Variants in ABRACL observed in about 807,000 individuals in gnomAD.
ABRACL encodes the protein ABRA C-terminal like.
ABRACL carries 4 observed loss-of-function variants against 7.0 expected under a neutral mutation model. That is an observed-to-expected ratio of 0.57 (90% CI 0.28 to 1.30). The LOEUF (loss-of-function observed/expected upper bound fraction) is 1.30. ABRACL is among the 50% of genes most tolerant of loss of function. The pLI is 0.10. For missense variants in ABRACL, 104 were observed against 97.3 expected (o/e 1.07, Z -0.29); for synonymous variants, 30 against 36.0 (o/e 0.83, Z 0.60).
At chr6:139,035,023 C>T (rs571680795) in intron 2 of ABRACL, among the ~76,000 whole-genome samples, 1 of 152,302 alleles carries the variant, frequency 6.6e-6, no homozygotes, top group Admixed American at 6.5e-5. Flanking sequence ...TTTAAAATTA[C>T]ATCATGTAAG....
intron 1 of ABRACL, among the ~76,000 whole-genome samples, chr6:139,030,849 GC>G (rs1251197511): frequency 6.6e-6 from 1 of 152,194 alleles, no homozygotes; most frequent in Non-Finnish European, 1.5e-5. Context: ...GTAAATAAAT[GC>G]CTTGCAAGGT....
intron 2 of ABRACL, among the ~76,000 whole-genome samples, chr6:139,041,172 A>T (rs73551124): frequency 6.6e-6 from 1 of 152,192 alleles, no homozygotes; most frequent in African/African-American, 2.4e-5. Context: ...TAAAGTCCAG[A>T]ATAAGTACTG....
At chr6:139,033,302 T>G (rs1786108240) in intron 1 of ABRACL, among the ~76,000 whole-genome samples, 1 of 152,206 alleles carries the variant, frequency 6.6e-6, no homozygotes, top group Admixed American at 6.5e-5. Context: ...AGCTTTTGTT[T>G]TATTCTGAAC....
intron 2 of ABRACL, among the ~76,000 whole-genome samples, chr6:139,034,865 C>G (rs1786130586): frequency 1.3e-5 from 2 of 152,114 alleles, no homozygotes; most frequent in South Asian, 4.1e-4. Flanking sequence ...TGTCTTCTTC[C>G]TAAGTCGTAA....
At chr6:139,034,692 G>A (rs1257034004) in intron 2 of ABRACL, 2 of 227,660 alleles carry the variant, frequency 8.8e-6, no homozygotes, top group African/African-American at 4.6e-5. Flanking sequence ...ATACTAAATT[G>A]TCTTTATTTT....
chr6:139,031,357 G>A (rs1461314516), intron 1 of ABRACL, among the ~76,000 whole-genome samples: 1 of 152,150 alleles, frequency 6.6e-6, no homozygotes, highest in Non-Finnish European at 1.5e-5. Flanking sequence ...ATCCTACCCA[G>A]TAGAGGAACA....
At chr6:139,029,851 C>A (rs1562217953) in intron 1 of ABRACL, among the ~76,000 whole-genome samples, 1 of 152,138 alleles carries the variant, frequency 6.6e-6, no homozygotes, top group Admixed American at 6.5e-5. Context: ...GGCTTTATTT[C>A]CTTGGATATT....
At chr6:139,041,953 T>C (rs1786260138) in intron 2 of ABRACL, among the ~76,000 whole-genome samples, 1 of 152,040 alleles carries the variant, frequency 6.6e-6, no homozygotes, top group Non-Finnish European at 1.5e-5. Context: ...CTCCCCTCAC[T>C]GTGATGGCCA....
chr6:139,037,412 G>A (rs1375444223), intron 2 of ABRACL, among the ~76,000 whole-genome samples: 3 of 151,888 alleles, frequency 2.0e-5, no homozygotes, highest in African/African-American at 2.4e-5. Flanking sequence ...AGGTGTCCAC[G>A]ACCACGCCTG....
intron 1 of ABRACL, among the ~76,000 whole-genome samples, chr6:139,032,493 C>T (rs1381253600): frequency 6.6e-6 from 1 of 152,104 alleles, no homozygotes; most frequent in East Asian, 1.9e-4. Flanking sequence ...TTATAATATT[C>T]GCACAAGCAA....
At chr6:139,034,654 G>C (rs1786128323) in intron 2 of ABRACL, 1 of 341,596 alleles carries the variant, frequency 2.9e-6, no homozygotes, top group African/African-American at 2.1e-5. Flanking sequence ...TAAATGACTA[G>C]GGATTTACAT....
intron 2 of ABRACL, among the ~76,000 whole-genome samples, chr6:139,034,799 A>G (rs2114304265): frequency 6.6e-6 from 1 of 152,318 alleles, no homozygotes; most frequent in East Asian, 1.9e-4. Flanking sequence ...CTTTTTCTTC[A>G]GCAATAACTA....
At chr6:139,033,940 A>T (rs1252760198) in intron 1 of ABRACL, among the ~76,000 whole-genome samples, 2 of 152,178 alleles carry the variant, frequency 1.3e-5, no homozygotes, top group African/African-American at 4.8e-5. Context: ...GACGTGGAGA[A>T]TAGGAGTGCA....
At chr6:139,041,451 C>CTATA (rs1554211122) in intron 2 of ABRACL, among the ~76,000 whole-genome samples, 18,723 of 109,544 alleles carry the variant, frequency 0.17, 1,789 homozygotes, top group Non-Finnish European at 0.2. Flanking sequence ...CTCTCTCTCT[C>CTATA]TATATATATA....
chr6:139,029,554 G>T (rs918394679), intron 1 of ABRACL, among the ~76,000 whole-genome samples: 1 of 152,142 alleles, frequency 6.6e-6, no homozygotes, highest in African/African-American at 2.4e-5. Context: ...CCCGCCACGG[G>T]GGGCCCAGCC....
At chr6:139,029,630 G>T (rs995901494) in intron 1 of ABRACL, among the ~76,000 whole-genome samples, 3 of 152,162 alleles carry the variant, frequency 2.0e-5, no homozygotes, top group Non-Finnish European at 4.4e-5. Context: ...AGGGCACGGG[G>T]TTAGGGGACC....
At chr6:139,037,302 C>G (rs537278917) in intron 2 of ABRACL, among the ~76,000 whole-genome samples, 2 of 151,984 alleles carry the variant, frequency 1.3e-5, no homozygotes, top group African/African-American at 4.8e-5. Flanking sequence ...CTCTGTTTCC[C>G]GGGCTGGAGT....
intron 2 of ABRACL, among the ~76,000 whole-genome samples, chr6:139,041,767 T>C (rs1417554796): frequency 6.6e-6 from 1 of 152,092 alleles, no homozygotes; most frequent in African/African-American, 2.4e-5. Flanking sequence ...GGAATTGAAG[T>C]CATTGCTTTG....
At chr6:139,042,197 AG>A (rs1396574762) in intron 2 of ABRACL, among the ~76,000 whole-genome samples, 1 of 152,224 alleles carries the variant, frequency 6.6e-6, no homozygotes, top group East Asian at 1.9e-4. Flanking sequence ...AAGATAATCT[AG>A]GGCTCATATG....
Sources: allele counts gnomAD v4.1 joint callset (sites outside exome capture counted in the v4.1 genomes callset), GRCh38; gene constraint gnomAD v4.1.1; transcripts MANE v1.5; gene names NCBI Gene and HGNC (gene_info 2026-07-23, HGNC 2026-07-21).